The following ABHD2 variants were observed in gnomAD, a reference collection of about 807,000 sequenced individuals.
The protein encoded by ABHD2 is monoacylglycerol lipase ABHD2.
ABHD2 carries 20 observed loss-of-function variants against 48.1 expected under a neutral mutation model. That is an observed-to-expected ratio of 0.42 (90% confidence interval 0.29 to 0.60). The LOEUF is 0.60. Among genes scored for constraint, ABHD2 ranks in the 20% least tolerant of loss-of-function variants. ABHD2 has a pLI of 0.24. For synonymous variants in ABHD2, 209 were observed against 214.2 expected (o/e 0.98, Z 0.21); for missense variants, 405 against 550.9 (o/e 0.74, Z 2.65).
chr15:89,105,828 G>T (rs1443859329), intron 1 of ABHD2, among the ~76,000 whole-genome samples: 5 of 151,994 alleles, frequency 3.3e-5, no homozygotes, highest in Admixed American at 6.5e-5. Context: ...CATCCCTTCT[G>T]GCTTGAGGTG....
chr15:89,095,725 A>C (rs1407784961), intron 1 of ABHD2, among the ~76,000 whole-genome samples: 2 of 152,036 alleles, frequency 1.3e-5, no homozygotes, highest in African/African-American at 4.8e-5. Context: ...GCACCATCAC[A>C]TTCATTTTGT....
rs2051463341 is a variant in ABHD2 at position 89,201,338 on chromosome 15, T to G, written c.*5915T>G. 1.3e-5 allele frequency: 13 copies of G among 1,036,170 alleles called. No individual in the cohort carries two copies. The highest frequency in any genetic ancestry group is 1.8e-5 in the Non-Finnish European group (12 of 668,400). 64.2% of individuals were successfully genotyped at this position (1,036,170 alleles called of 1,614,324 possible). A position where few individuals can be genotyped will look rare whatever the true frequency, so the allele number is the denominator to read the frequency against. On this transcript the variant is annotated 3_prime_UTR_variant, in exon 11 of 11. Coordinates refer to ENST00000352732, the MANE Select transcript of ABHD2 (RefSeq NM_152924.5). ...ATCATGAAGTGAAGCACTGTGTGGT[T>G]GTGGCGTGGGCCCGTCTTGCTTAGA...
intron 1 of ABHD2, among the ~76,000 whole-genome samples, chr15:89,098,378 C>G (rs1382856797): frequency 6.6e-6 from 1 of 152,006 alleles, no homozygotes; most frequent in Non-Finnish European, 1.5e-5. Flanking sequence ...GTTCAGCAGG[C>G]ATTTATTGAG....
intron 1 of ABHD2, among the ~76,000 whole-genome samples, chr15:89,112,824 A>T (rs1381530920): frequency 2.0e-5 from 3 of 152,176 alleles, no homozygotes; most frequent in Admixed American, 1.3e-4. Context: ...TGGGCCAGAT[A>T]TGAAAGCTGG....
At chr15:89,119,964 T>C (rs868543883) in intron 3 of ABHD2, among the ~76,000 whole-genome samples, 1 of 152,160 alleles carries the variant, frequency 6.6e-6, no homozygotes, top group South Asian at 2.1e-4. Context: ...GCTGGAAAGT[T>C]CTGTTAACTG....
intron 5 of ABHD2, among the ~76,000 whole-genome samples, chr15:89,157,123 T>G (rs1285868178): frequency 1.3e-5 from 2 of 152,260 alleles, no homozygotes; most frequent in Non-Finnish European, 2.9e-5. Flanking sequence ...TGTTATAGTT[T>G]ATTTAACCAT....
chr15:89,198,129 T>C lies in ABHD2; in HGVS notation c.*2706T>C, dbSNP rs1401663481. 6.6e-6 allele frequency: 1 copy of C among 152,256 alleles called. No individual in the cohort carries two copies. Among genetic ancestry groups the C allele is most frequent in the Non-Finnish European group, 1.5e-5 (1 of 68,042 alleles). The allele number at this position is 152,256 out of a possible 1,614,324, so 9.4% of individuals were successfully genotyped here. On this transcript the variant is annotated 3_prime_UTR_variant, in exon 11 of 11. Coordinates refer to ENST00000352732, the MANE Select transcript of ABHD2 (RefSeq NM_152924.5). The surrounding 1 kb of genome is among the most constrained non-coding windows in gnomAD (Gnocchi z 5.1). The stretch of plus-strand genomic sequence containing the variant: ...AAGTCATTCATTTCTGATGAGTATA[T>C]GAATCCCCCTCTTGCTAGTAAGGTT...
At chr15:89,084,102 CT>C (rs1376129121), upstream of ABHD2, among the ~76,000 whole-genome samples, 4 of 151,770 alleles carry the variant, frequency 2.6e-5, no homozygotes, top group Non-Finnish European at 2.9e-5. The surrounding 1 kb of genome is among the most constrained non-coding windows in gnomAD (Gnocchi z 4.4). Context: ...AGTGATTACA[CT>C]GATGAGGTCT....
At chr15:89,115,146 G>A (rs1596076216) in intron 2 of ABHD2, among the ~76,000 whole-genome samples, 1 of 152,296 alleles carries the variant, frequency 6.6e-6, no homozygotes, top group Non-Finnish European at 1.5e-5. Flanking sequence ...CATGATGACT[G>A]TTGTTAGCAG....
In ABHD2 at chr15:89,094,489, C is replaced by G. The variant is rs534401769; in HGVS notation, c.-107+5926C>G. On this transcript the variant is annotated intron_variant, in intron 1 of 10. Coordinates refer to ENST00000352732, the MANE Select transcript of ABHD2 (RefSeq NM_152924.5). The surrounding 1 kb of genome is among the most constrained non-coding windows in gnomAD (Gnocchi z 4.7). ...TTGGGAGGCCGAGGCGGGCGGATCA[C>G]CTGAGGTCAGGAGTTTGAGATCTGC... 2 of 152,220 alleles carry G rather than the reference C, an allele frequency of 1.3e-5. No homozygotes were observed. The highest frequency in any genetic ancestry group is 3.9e-4 in the East Asian group (2 of 5,174). 9.4% of individuals were successfully genotyped at this position (152,220 alleles called of 1,614,324 possible). A position where few individuals can be genotyped will look rare whatever the true frequency, so the allele number is the denominator to read the frequency against.
intron 3 of ABHD2, among the ~76,000 whole-genome samples, chr15:89,141,268 A>T (rs1486977833): frequency 1.3e-5 from 2 of 152,154 alleles, no homozygotes; most frequent in Non-Finnish European, 2.9e-5. Context: ...GGCATGAGCC[A>T]CCACACCCAG....
At chr15:89,129,071 T>A (rs1451406240) in intron 3 of ABHD2, among the ~76,000 whole-genome samples, 1 of 152,158 alleles carries the variant, frequency 6.6e-6, no homozygotes, top group Non-Finnish European at 1.5e-5. Flanking sequence ...AGCTGCTTTC[T>A]CAAGGAAAGT....
At chr15:89,047,745 G>A in the ABHD2 span, among the ~76,000 whole-genome samples, 1 of 149,524 alleles carries the variant, frequency 6.7e-6, no homozygotes, top group Middle Eastern at 3.2e-3. Flanking sequence ...TTTTCCATTT[G>A]CTTGATAGAT....
At chr15:89,057,614 TGCATGGGCTCCTGAGAGGCA>T in the ABHD2 span, among the ~76,000 whole-genome samples, 1 of 152,182 alleles carries the variant, frequency 6.6e-6, no homozygotes, top group Non-Finnish European at 1.5e-5. Flanking sequence ...GCGTGCCTGG[TGCATGGGCTCCTGAGAGGCA>T]GGCCCCGTTG....
rs546779925 is a variant in ABHD2 at position 89,200,204 on chromosome 15, C to A, written c.*4781C>A. ...TTAATTAAAAAGTAAATTTTAATGT[C>A]GAAAATGCAAACTTGGGGAGGGCAG... is the stretch of plus-strand genomic sequence containing the variant. On this transcript the variant is annotated 3_prime_UTR_variant, in exon 11 of 11. Coordinates refer to ENST00000352732, the MANE Select transcript of ABHD2 (RefSeq NM_152924.5). 8 of 152,046 alleles carry A rather than the reference C, an allele frequency of 5.3e-5. No homozygotes were observed. Among genetic ancestry groups the A allele is most frequent in the African/African-American group, 1.9e-4 (8 of 41,370 alleles). The allele number at this position is 152,046 out of a possible 1,614,324, so 9.4% of individuals were successfully genotyped here.
chr15:89,183,368 C>CAAAAAAAAAAA (rs1233981139), intron 6 of ABHD2: 11 of 61,890 alleles, frequency 1.8e-4, no homozygotes, highest in African/African-American at 6.2e-4. Context: ...CAGTCCTTTT[C>CAAAAAAAAAAA]AAAAAAAAAA....
chr15:89,097,698 A>G lies in ABHD2; in HGVS notation c.-107+9135A>G, dbSNP rs910872845. 2.0e-5 allele frequency among the ~76,000 whole-genome samples: 3 copies of G among 152,198 alleles called. No homozygotes were observed. Among genetic ancestry groups the G allele is most frequent in the African/African-American group, 7.2e-5 (3 of 41,442 alleles). On this transcript the variant is annotated intron_variant, in intron 1 of 10. Coordinates refer to ENST00000352732, the MANE Select transcript of ABHD2 (RefSeq NM_152924.5). The surrounding 1 kb of genome is among the most constrained non-coding windows in gnomAD (Gnocchi z 4.2). ...AGGTACAACATAGTAAAGAGTGGAA[A>G]ACTTCCTCCCAAGAAGCACTCAATG...
chr15:89,119,084 C>T (rs954904739), intron 3 of ABHD2, among the ~76,000 whole-genome samples: 2 of 152,108 alleles, frequency 1.3e-5, no homozygotes, highest in African/African-American at 4.8e-5. Flanking sequence ...TGGTGAAGCC[C>T]GAACTAGGGA....
chr15:89,052,873 T>G, the ABHD2 span, among the ~76,000 whole-genome samples: 3 of 152,226 alleles, frequency 2.0e-5, no homozygotes, highest in South Asian at 6.2e-4. Context: ...CTCCAAGACA[T>G]TTTGTCTTCT....
Sources: allele counts gnomAD v4.1 joint callset (sites outside exome capture counted in the v4.1 genomes callset), GRCh38; gene constraint gnomAD v4.1.1; non-coding constraint Gnocchi (gnomAD v3.1); transcripts MANE v1.5; gene names NCBI Gene and HGNC (gene_info 2026-07-23, HGNC 2026-07-21).